Variants in ANO5 observed in about 807,000 individuals in gnomAD.
ANO5 encodes anoctamin 5.
ANO5 carries 109 observed loss-of-function variants against 121.0 expected under a neutral mutation model. The observed-to-expected ratio is 0.90, with a 90% CI of 0.77 to 1.06. ANO5 has a LOEUF of 1.06. Ranked by LOEUF, ANO5 falls within the 50% of genes least tolerant of loss-of-function variation. The pLI, the probability that ANO5 is intolerant of heterozygous loss-of-function variation, is 0.00. For missense variants in ANO5, 1,064 were observed against 1,078.5 expected (o/e 0.99, Z 0.19); for synonymous variants, 406 against 359.9 (o/e 1.13, Z -1.45).
intron 18 of ANO5, among the ~76,000 whole-genome samples, chr11:22,271,513 C>G (rs1217361769): frequency 6.6e-6 from 1 of 152,102 alleles, no homozygotes; most frequent in East Asian, 1.9e-4. Flanking sequence ...TTTGTAAAAT[C>G]AGATAATCTT....
chr11:22,282,901 G>C lies in ANO5; in HGVS notation c.*3136G>C, dbSNP rs1466652539. On this transcript the variant is annotated 3_prime_UTR_variant, in exon 22 of 22. Coordinates refer to ENST00000324559, the MANE Select transcript of ANO5 (RefSeq NM_213599.3). ...AATAGTTGTTATGCAACTAAAGAAT[G>C]TTATGAAGAAAAATAGCATTGCAAA... is the stretch of plus-strand genomic sequence containing the variant. The C allele has an allele frequency of 6.6e-6, 1 of 152,146 alleles. No homozygotes were observed. Among genetic ancestry groups the C allele is most frequent in the Non-Finnish European group, 1.5e-5 (1 of 68,008 alleles). 9.4% of individuals were successfully genotyped at this position (152,146 alleles called of 1,614,324 possible). A position where few individuals can be genotyped will look rare whatever the true frequency, so the allele number is the denominator to read the frequency against.
chr11:22,217,399 C>T (rs1022664637), intron 3 of ANO5, among the ~76,000 whole-genome samples: 1 of 151,436 alleles, frequency 6.6e-6, no homozygotes, highest in African/African-American at 2.4e-5. Context: ...AACTGAATGA[C>T]TTTTTATGTA....
At chr11:22,259,132 CAAAAA>C (rs11317243) in intron 14 of ANO5, among the ~76,000 whole-genome samples, 1 of 112,500 alleles carries the variant, frequency 8.9e-6, no homozygotes, top group Non-Finnish European at 1.9e-5. Context: ...GACTCTGTCT[CAAAAA>C]AAAAAAAAAA....
At position 22,276,085 on chromosome 11, in the gene ANO5, A is replaced by G; in HGVS notation, c.2415-9A>G. 6.4e-7 allele frequency: 1 copy of G among 1,571,854 alleles called. No individual in the cohort carries two copies. Among genetic ancestry groups the G allele is most frequent in the Non-Finnish European group, 8.7e-7 (1 of 1,143,670 alleles). On this transcript the variant is annotated splice_polypyrimidine_tract_variant and intron_variant, in intron 20 of 21. Coordinates refer to ENST00000324559, the MANE Select transcript of ANO5 (RefSeq NM_213599.3). ...ATTTTTTTTTTTTGCATTTACTTCC[A>G]CTTTTCAGGTACAGAGATTACAGAT...
At chr11:22,238,121 A>C (rs1402464784) in intron 8 of ANO5, among the ~76,000 whole-genome samples, 4 of 152,090 alleles carry the variant, frequency 2.6e-5, no homozygotes, top group Non-Finnish European at 5.9e-5. Flanking sequence ...CAGAGGGCCC[A>C]CTGTCACAAT....
In ANO5 at chr11:22,282,166, G is replaced by A. The variant is rs1447211679; in HGVS notation, c.*2401G>A. 2 of 152,118 alleles carry A rather than the reference G, an allele frequency of 1.3e-5. No homozygotes were observed. The highest frequency in any genetic ancestry group is 3.9e-4 in the East Asian group (2 of 5,186). 9.4% of individuals were successfully genotyped at this position (152,118 alleles called of 1,614,324 possible). On this transcript the variant is annotated 3_prime_UTR_variant, in exon 22 of 22. Coordinates refer to ENST00000324559, the MANE Select transcript of ANO5 (RefSeq NM_213599.3). Reference sequence around the variant, plus strand: ...AGCATGGCAGGTGATTTTATCTGCTGACCAAGCGCATAGTTTTGTTTTGTT... The same window carrying A: ...AGCATGGCAGGTGATTTTATCTGCTAACCAAGCGCATAGTTTTGTTTTGTT...
chr11:22,232,163 T>G (rs1247350561), intron 7 of ANO5, among the ~76,000 whole-genome samples: 1 of 152,054 alleles, frequency 6.6e-6, no homozygotes, highest in Non-Finnish European at 1.5e-5. Flanking sequence ...TAACTCAACC[T>G]TTATTTGGGT....
intron 3 of ANO5, among the ~76,000 whole-genome samples, chr11:22,214,433 C>G (rs1343283162): frequency 6.6e-6 from 1 of 151,724 alleles, no homozygotes. Context: ...TCCTGTTAGG[C>G]CTACTCAGTG....
Position 22,239,679 on chromosome 11 carries a change from G to A in ANO5, c.873G>A (p.Leu291=). Reference sequence around the variant, plus strand: ...TCTACAAGGAGCAGCCTTTAGACTTGATTAAGTAAGTTTCATACACAGGAT... The same window carrying A: ...TCTACAAGGAGCAGCCTTTAGACTTAATTAAGTAAGTTTCATACACAGGAT... ...SYFYKEQPLD[L]IKNYYGEKIG... Residue 291 remains leucine, a synonymous_variant, in exon 9 of 22, where the codon TTG becomes TTA. Transcript: ENST00000324559. 1.9e-6 allele frequency: 3 copies of A among 1,592,094 alleles called. 1 individual carries two copies. The highest frequency in any genetic ancestry group is 3.3e-4 in the Middle Eastern group (2 of 6,012).
intron 13 of ANO5, among the ~76,000 whole-genome samples, chr11:22,257,408 C>T (rs1182954642): frequency 6.6e-6 from 1 of 152,170 alleles, no homozygotes; most frequent in Non-Finnish European, 1.5e-5. Context: ...TTTATTTACT[C>T]AGTGCCAGGC....
At chr11:22,245,430 G>C (rs1853583592) in intron 9 of ANO5, among the ~76,000 whole-genome samples, 1 of 152,070 alleles carries the variant, frequency 6.6e-6, no homozygotes, top group Non-Finnish European at 1.5e-5. Context: ...TATCTCTGGA[G>C]TTCAATCAAT....
chr11:22,204,880 T>A (rs1852063820), intron 2 of ANO5, among the ~76,000 whole-genome samples: 1 of 152,136 alleles, frequency 6.6e-6, no homozygotes, highest in East Asian at 1.9e-4. Flanking sequence ...CATTCTTTTT[T>A]AAAGACCCAT....
chr11:22,222,720 C>A (rs1852694610), intron 5 of ANO5, among the ~76,000 whole-genome samples: 2 of 143,818 alleles, frequency 1.4e-5, no homozygotes, highest in African/African-American at 5.1e-5. Flanking sequence ...TTTAGTTAAA[C>A]CCAACCCTAC....
intron 17 of ANO5, among the ~76,000 whole-genome samples, chr11:22,265,599 C>T (rs1438506896): frequency 6.6e-6 from 1 of 152,012 alleles, no homozygotes. Context: ...ACTACAAAAT[C>T]CTGATTAAAG....
At chr11:22,258,836 T>C (rs948482461) in intron 14 of ANO5, among the ~76,000 whole-genome samples, 5 of 152,064 alleles carry the variant, frequency 3.3e-5, no homozygotes, top group Non-Finnish European at 7.4e-5. Flanking sequence ...CTATAACCTT[T>C]AGAAATGCAA....
intron 9 of ANO5, among the ~76,000 whole-genome samples, chr11:22,244,348 T>C (rs756867342): frequency 1.4e-4 from 21 of 152,104 alleles, no homozygotes; most frequent in Non-Finnish European, 2.2e-4. Flanking sequence ...TTTTTGTTCG[T>C]GTTGAACTTG....
At chr11:22,200,745 T>C (rs1564908285) in intron 1 of ANO5, among the ~76,000 whole-genome samples, 1 of 152,154 alleles carries the variant, frequency 6.6e-6, no homozygotes, top group Non-Finnish European at 1.5e-5. Context: ...ATTATAAAAC[T>C]TTAAATACAA....
intron 9 of ANO5, among the ~76,000 whole-genome samples, chr11:22,244,071 C>G (rs1853532426): frequency 6.6e-6 from 1 of 151,978 alleles, no homozygotes; most frequent in African/African-American, 2.4e-5. Flanking sequence ...TTAGTACTCT[C>G]TTAAGGACCT....
chr11:22,258,512 G>T (rs1315594267), intron 14 of ANO5, among the ~76,000 whole-genome samples: 4 of 152,008 alleles, frequency 2.6e-5, no homozygotes, highest in Non-Finnish European at 4.4e-5. Context: ...TCAACTTTTA[G>T]AATAAAATTC....
Sources: allele counts gnomAD v4.1 joint callset (sites outside exome capture counted in the v4.1 genomes callset), GRCh38; gene constraint gnomAD v4.1.1; transcripts MANE v1.5; gene names NCBI Gene and HGNC (gene_info 2026-07-23, HGNC 2026-07-21).